EEPD1: variants seen among roughly 807,000 people sequenced by gnomAD.
EEPD1 encodes endonuclease/exonuclease/phosphatase family domain containing 1.
EEPD1 carries 17 observed loss-of-function variants against 46.3 expected under a neutral mutation model. The ratio of observed to expected loss-of-function variants is 0.37; its 90% CI spans 0.25 to 0.55. EEPD1 has a LOEUF of 0.55. Among genes scored for constraint, EEPD1 ranks in the 20% least tolerant of loss-of-function variants. EEPD1 has a pLI of 0.83. For synonymous variants in EEPD1, 313 were observed against 315.6 expected (o/e 0.99, Z 0.09); for missense variants, 673 against 745.6 (o/e 0.90, Z 1.13).
At chr7:36,220,663 C>G (rs1281408440) in intron 2 of EEPD1, among the ~76,000 whole-genome samples, 3 of 152,194 alleles carry the variant, frequency 2.0e-5, no homozygotes, top group Admixed American at 6.5e-5. Context: ...CATCTCATAT[C>G]CTGCAGAGAA....
chr7:36,224,762 G>A (rs960415634), intron 2 of EEPD1, among the ~76,000 whole-genome samples: 2 of 152,092 alleles, frequency 1.3e-5, no homozygotes, highest in Admixed American at 1.3e-4. Context: ...TTCATGTATA[G>A]TAAACTGAAT....
intron 3 of EEPD1, among the ~76,000 whole-genome samples, chr7:36,280,485 T>C (rs776753383): frequency 2.0e-5 from 3 of 152,234 alleles, no homozygotes; most frequent in African/African-American, 4.8e-5. Flanking sequence ...GGATAGTTGT[T>C]CCACTCCTCA....
chr7:36,187,200 A>G (rs1785373961), intron 2 of EEPD1, among the ~76,000 whole-genome samples: 1 of 152,218 alleles, frequency 6.6e-6, no homozygotes, highest in Non-Finnish European at 1.5e-5. Context: ...AAAAATATTA[A>G]GCGACATCAC....
intron 2 of EEPD1, among the ~76,000 whole-genome samples, chr7:36,167,142 CCTT>C (rs920629457): frequency 1.3e-5 from 2 of 152,156 alleles, no homozygotes; most frequent in African/African-American, 4.8e-5. Context: ...ACCCTGATGG[CCTT>C]CTTTTACCTT....
intron 2 of EEPD1, among the ~76,000 whole-genome samples, chr7:36,217,918 C>A (rs1484922457): frequency 6.6e-6 from 1 of 152,174 alleles, no homozygotes; most frequent in Non-Finnish European, 1.5e-5. Context: ...CAATCACAGA[C>A]CCTGTATTGT....
intron 2 of EEPD1, among the ~76,000 whole-genome samples, chr7:36,191,215 C>T (rs933214805): frequency 6.6e-6 from 1 of 152,140 alleles, no homozygotes; most frequent in Non-Finnish European, 1.5e-5. Context: ...GGTCCTGGTC[C>T]TGAAATTGAG....
intron 2 of EEPD1, among the ~76,000 whole-genome samples, chr7:36,203,929 A>G (rs1355807863): frequency 6.6e-6 from 1 of 151,778 alleles, no homozygotes; most frequent in African/African-American, 2.4e-5. Context: ...TACAGAATGG[A>G]GATCACGCTG....
At position 36,270,389 on chromosome 7, in the gene EEPD1, A is replaced by G. The variant is rs547974087; in HGVS notation, c.931-10726A>G. 6.6e-4 allele frequency among the ~76,000 whole-genome samples: 100 copies of G among 152,288 alleles called. 3 individuals carry two copies. The South Asian group carries it at 0.014, about 22-fold the overall frequency. On this transcript the variant is annotated intron_variant, in intron 3 of 7. Coordinates refer to ENST00000242108, the MANE Select transcript of EEPD1 (RefSeq NM_030636.3). ...TTTGTTACATAGGTATACACGTGCC[A>G]TGGTGGTTTGCTGAACCCATCAATC...
At chr7:36,257,374 C>T (rs10238996) in intron 3 of EEPD1, among the ~76,000 whole-genome samples, 12,649 of 152,002 alleles carry the variant, frequency 0.083, 688 homozygotes, top group East Asian at 0.19. Context: ...GCCTGTCTTT[C>T]TAGGTTGGGG....
At chr7:36,194,233 C>T (rs1035932700) in intron 2 of EEPD1, among the ~76,000 whole-genome samples, 5 of 152,092 alleles carry the variant, frequency 3.3e-5, no homozygotes, top group African/African-American at 9.7e-5. Context: ...TGAGGGCTTC[C>T]GTGGGAACAG....
intron 3 of EEPD1, among the ~76,000 whole-genome samples, chr7:36,271,160 G>T (rs1371215237): frequency 1.3e-5 from 2 of 151,856 alleles, no homozygotes; most frequent in Non-Finnish European, 2.9e-5. Flanking sequence ...CTAATTTTTT[G>T]TATTTTTAGT....
intron 2 of EEPD1, among the ~76,000 whole-genome samples, chr7:36,226,703 A>G (rs1786237156): frequency 6.6e-6 from 1 of 152,238 alleles, no homozygotes; most frequent in African/African-American, 2.4e-5. Flanking sequence ...CTACTTAGAG[A>G]TAGAAAAACA....
chr7:36,168,970 G>A (rs549650225), intron 2 of EEPD1, among the ~76,000 whole-genome samples: 2 of 152,324 alleles, frequency 1.3e-5, no homozygotes, highest in South Asian at 4.1e-4. Flanking sequence ...TGTATAGTAT[G>A]TGACCTTTTG....
chr7:36,260,449 G>A (rs1404663580), intron 3 of EEPD1, among the ~76,000 whole-genome samples: 3 of 152,204 alleles, frequency 2.0e-5, no homozygotes, highest in African/African-American at 7.2e-5. Flanking sequence ...TGAAAGCTGG[G>A]TATATTGCTG....
rs553527965 is a variant in EEPD1 at position 36,277,762 on chromosome 7, C to T, written c.931-3353C>T. ...TGTAGCCATAAACACTTATCTCCCT[C>T]GTCGCTCAAGTTATTAACTATCCCT... On this transcript the variant is annotated intron_variant, in intron 3 of 7. Coordinates refer to ENST00000242108, the MANE Select transcript of EEPD1 (RefSeq NM_030636.3). Among the ~76,000 whole-genome samples the T allele has an allele frequency of 4.6e-5, 7 of 152,296 alleles. No individual in the cohort carries two copies. In the South Asian group the frequency reaches 8.3e-4, roughly 18 times the overall value.
In EEPD1 at chr7:36,278,095, T is replaced by G. The variant is rs527681225; in HGVS notation, c.931-3020T>G. ...AGGCCCCGCCCCTGAGAATCTTTAG[T>G]TAAGTAGGTCAGGGGTAGAGCCTGA... On this transcript the variant is annotated intron_variant, in intron 3 of 7. Coordinates refer to ENST00000242108, the MANE Select transcript of EEPD1 (RefSeq NM_030636.3). Among the ~76,000 whole-genome samples the G allele has an allele frequency of 4.6e-5, 7 of 152,270 alleles. No homozygotes were observed. The East Asian group carries it at 1.2e-3, about 25-fold the overall frequency.
intron 3 of EEPD1, among the ~76,000 whole-genome samples, chr7:36,262,793 T>TGA (rs1786950377): frequency 6.6e-6 from 1 of 152,158 alleles, no homozygotes; most frequent in South Asian, 2.1e-4. Context: ...ACCCAACTCC[T>TGA]GAGATCTTAT....
chr7:36,284,785 C>A lies in EEPD1; in HGVS notation c.1141C>A (p.Leu381Met). 6.3e-7 allele frequency: 1 copy of A among 1,585,748 alleles called. No homozygotes were observed. ...CTCGCCAAGCAACGGGCACGGGAAG[C>A]TGGCGGGCCCCAGCCCATACCTCGG... ...ESSPSNGHGK[L>M]AGPSPYLGRF... The change falls in exon 5 of 8, where the codon CTG becomes ATG. Residue 381 changes from leucine (L) to methionine (M), a missense_variant. Coordinates refer to ENST00000242108, the MANE Select transcript of EEPD1 (RefSeq NM_030636.3).
At chr7:36,286,726 G>A (rs983550834) in intron 5 of EEPD1, among the ~76,000 whole-genome samples, 4 of 152,164 alleles carry the variant, frequency 2.6e-5, no homozygotes, top group African/African-American at 9.7e-5. Context: ...GGGAGGTGTA[G>A]GGAGGAGGAG....
Sources: gnomAD v4.1 joint callset for allele counts (sites outside exome capture counted in the v4.1 genomes callset) on GRCh38, gnomAD v4.1.1 for gene constraint, MANE v1.5 for transcripts, NCBI Gene and HGNC (gene_info 2026-07-23, HGNC 2026-07-21) for gene names.